Variants in SGPP2 observed in about 807,000 individuals in gnomAD.
SGPP2 encodes sphingosine 1-phosphate phosphohydrolase 2.
SGPP2 carries 30 observed loss-of-function variants against 33.9 expected under a neutral mutation model. The ratio of observed to expected loss-of-function variants is 0.89; its 90% CI spans 0.66 to 1.20. SGPP2 has a LOEUF of 1.20. SGPP2 is among the 50% of genes most tolerant of loss of function. SGPP2 has a pLI of 0.00. For synonymous variants in SGPP2, 233 were observed against 225.0 expected (o/e 1.04, Z -0.32); for missense variants, 458 against 532.1 (o/e 0.86, Z 1.37).
chr2:222,489,432 A>G (rs1257567943), intron 2 of SGPP2, among the ~76,000 whole-genome samples: 2 of 152,030 alleles, frequency 1.3e-5, no homozygotes, highest in Non-Finnish European at 2.9e-5. Flanking sequence ...AAAAAAGATC[A>G]GGGCTCATTG....
At chr2:222,446,547 T>A (rs925498528) in intron 1 of SGPP2, among the ~76,000 whole-genome samples, 28 of 152,244 alleles carry the variant, frequency 1.8e-4, no homozygotes, top group Admixed American at 1.6e-3. Context: ...TTTTCCAGCT[T>A]AATTTTCTAA....
intron 2 of SGPP2, among the ~76,000 whole-genome samples, chr2:222,508,300 A>T (rs1698476175): frequency 6.6e-6 from 1 of 152,150 alleles, no homozygotes; most frequent in African/African-American, 2.4e-5. Flanking sequence ...TTCGGTAGTG[A>T]GTTTGTGAGA....
chr2:222,495,583 GA>G (rs373969407), intron 2 of SGPP2, among the ~76,000 whole-genome samples: 390 of 152,238 alleles, frequency 2.6e-3, no homozygotes, highest in African/African-American at 9.0e-3. Flanking sequence ...TATGCTGCTA[GA>G]AAACAGAAAC....
At chr2:222,525,158 C>A in intron 4 of SGPP2, 125 bp downstream of exon 4, 1 of 645,776 alleles carries the variant, frequency 1.5e-6, no homozygotes. Flanking sequence ...TCTCATCATG[C>A]CAATGCATTA....
At chr2:222,430,721 A>G (rs1048750671) in intron 1 of SGPP2, among the ~76,000 whole-genome samples, 5 of 152,224 alleles carry the variant, frequency 3.3e-5, no homozygotes, top group African/African-American at 1.2e-4. Context: ...TAGAAACTTG[A>G]CAGACACTCC....
At position 222,524,928 on chromosome 2, in the gene SGPP2, T is replaced by C; in HGVS notation, c.559-16T>C. 1 of 1,607,626 alleles carries C rather than the reference T, an allele frequency of 6.2e-7. No homozygotes were observed. The highest frequency in any genetic ancestry group is 8.5e-7 in the Non-Finnish European group (1 of 1,174,782). ...AGTGTGATCTAATTCCCTTGTTTTTTCTCCTTCCCCCACAGTATCCATTTG... is the reference window on the plus strand; with the variant it reads ...AGTGTGATCTAATTCCCTTGTTTTTCCTCCTTCCCCCACAGTATCCATTTG... On this transcript the variant is annotated splice_polypyrimidine_tract_variant and intron_variant, in intron 3 of 4. Coordinates refer to ENST00000321276, the MANE Select transcript of SGPP2 (RefSeq NM_152386.4).
At chr2:222,528,221 A>G (rs1698789635) in intron 4 of SGPP2, among the ~76,000 whole-genome samples, 1 of 152,222 alleles carries the variant, frequency 6.6e-6, no homozygotes, top group Admixed American at 6.5e-5. Flanking sequence ...AGTAGCCTAA[A>G]GGTGAGCCCA....
chr2:222,525,154 C>T (rs1698740250), intron 4 of SGPP2, 121 bp downstream of exon 4: 2 of 648,836 alleles, frequency 3.1e-6, no homozygotes, highest in Non-Finnish European at 5.3e-6. Flanking sequence ...TATTTCTCAT[C>T]ATGCCAATGC....
rs146605681 is a variant in SGPP2, at chr2:222,436,857, G to A, written c.219+12036G>A. On this transcript the variant is annotated intron_variant, in intron 1 of 4. Transcript: ENST00000321276. The stretch of plus-strand genomic sequence containing the variant: ...TCACCCAACGGAATGGTGCCATATC[G>A]AGGGCTCAGTGTTGGTCTCTGCTGC... Among the ~76,000 whole-genome samples, 791 of 152,280 alleles carry A rather than the reference G, an allele frequency of 5.2e-3. 3 individuals are homozygous for A. The highest frequency in any genetic ancestry group is 0.018 in the African/African-American group (749 of 41,548).
chr2:222,460,130 G>A lies in SGPP2; in HGVS notation c.220-14438G>A, dbSNP rs1697637017. Among the ~76,000 whole-genome samples, 1 of 152,190 alleles carries A rather than the reference G, an allele frequency of 6.6e-6. No homozygotes were observed. The highest frequency in any genetic ancestry group is 6.5e-5 in the Admixed American group (1 of 15,286). On this transcript the variant is annotated intron_variant, in intron 1 of 4. Coordinates refer to ENST00000321276, the MANE Select transcript of SGPP2 (RefSeq NM_152386.4). This position sits in a 1 kb window ranked among gnomAD's most constrained non-coding sequence, Gnocchi z 4.3. ...GCTCGGGGTGGGCATTGCACAGCCT[G>A]TGGCATTCAGTTGCCATCCACAGAA...
intron 2 of SGPP2, among the ~76,000 whole-genome samples, chr2:222,520,741 A>AC: frequency 6.6e-6 from 1 of 150,940 alleles, no homozygotes; most frequent in Non-Finnish European, 1.5e-5. Flanking sequence ...AAAAAAAAAA[A>AC]AAAACCCTCC....
chr2:222,436,977 A>G (rs974625070), intron 1 of SGPP2, among the ~76,000 whole-genome samples: 4 of 152,160 alleles, frequency 2.6e-5, no homozygotes, highest in African/African-American at 7.2e-5. Flanking sequence ...CACTGCCTCC[A>G]TGGCCACTTT....
At chr2:222,455,057 A>G (rs1697550824) in intron 1 of SGPP2, among the ~76,000 whole-genome samples, 1 of 152,064 alleles carries the variant, frequency 6.6e-6, no homozygotes, top group African/African-American at 2.4e-5. Flanking sequence ...TTAGATGAAA[A>G]AAACTAACAG....
At chr2:222,513,642 A>G (rs940559852) in intron 2 of SGPP2, among the ~76,000 whole-genome samples, 3 of 151,794 alleles carry the variant, frequency 2.0e-5, no homozygotes, top group African/African-American at 7.2e-5. Flanking sequence ...ATCTGGTTAG[A>G]CCAATCCAAT....
At chr2:222,497,477 C>T (rs1252134159) in intron 2 of SGPP2, among the ~76,000 whole-genome samples, 2 of 152,120 alleles carry the variant, frequency 1.3e-5, no homozygotes, top group African/African-American at 4.8e-5. Context: ...AAACTCCTGA[C>T]TTCAAGTGAT....
intron 2 of SGPP2, among the ~76,000 whole-genome samples, chr2:222,487,139 T>C (rs1012626492): frequency 3.3e-5 from 5 of 152,200 alleles, no homozygotes; most frequent in Non-Finnish European, 7.3e-5. Context: ...AGAAGACTCA[T>C]GAGTCTTTTA....
chr2:222,444,077 A>G (rs1559145080), intron 1 of SGPP2, among the ~76,000 whole-genome samples: 1 of 152,188 alleles, frequency 6.6e-6, no homozygotes, highest in Non-Finnish European at 1.5e-5. Flanking sequence ...TACTACTGCT[A>G]ATGGCACTTC....
At chr2:222,482,794 A>AT (rs544370441) in intron 2 of SGPP2, among the ~76,000 whole-genome samples, 109 of 152,320 alleles carry the variant, frequency 7.2e-4, no homozygotes, top group Non-Finnish European at 1.3e-3. Context: ...AAACAGCTGT[A>AT]TTGGGTAAGG....
At chr2:222,485,718 C>T (rs1306538636) in intron 2 of SGPP2, among the ~76,000 whole-genome samples, 1 of 152,202 alleles carries the variant, frequency 6.6e-6, no homozygotes, top group Non-Finnish European at 1.5e-5. Context: ...CTGCCTTCAT[C>T]TTCCCCACAC....
Sources: gnomAD v4.1 joint callset for allele counts (sites outside exome capture counted in the v4.1 genomes callset) on GRCh38, gnomAD v4.1.1 for gene constraint, Gnocchi (gnomAD v3.1) non-coding constraint, MANE v1.5 for transcripts, NCBI Gene and HGNC (gene_info 2026-07-23, HGNC 2026-07-21) for gene names.